Variants in C1QTNF2 observed in about 807,000 individuals in gnomAD.
C1QTNF2 encodes C1q and TNF related 2, also known as complement C1q tumor necrosis factor-related protein 2.
In C1QTNF2, 15 loss-of-function variants were observed where a neutral mutation model predicts 17.4. The observed-to-expected ratio is 0.86, with a 90% CI of 0.58 to 1.33. C1QTNF2 has a LOEUF of 1.33. C1QTNF2 is among the 40% of genes most tolerant of loss of function. C1QTNF2 has a pLI of 0.00. For synonymous variants in C1QTNF2, 154 were observed against 163.3 expected, an observed-to-expected ratio of 0.94 and a Z score of 0.44; for missense variants, 381 against 392.3, an observed-to-expected ratio of 0.97 and a Z score of 0.24.
chr5:160,355,192 T>C, intron 1 of C1QTNF2, 172 bp from the exon 2 acceptor site: 3 of 983,088 alleles, frequency 3.1e-6, no homozygotes, highest in Non-Finnish European at 3.6e-6. Flanking sequence ...AGTCGTCATA[T>C]CTTGAGGACA....
At chr5:160,350,719 A>G (rs1763901847) in intron 2 of C1QTNF2, among the ~76,000 whole-genome samples, 1 of 152,104 alleles carries the variant, frequency 6.6e-6, no homozygotes, top group Non-Finnish European at 1.5e-5. Flanking sequence ...TAAAAATTAG[A>G]AAAACAAAAG....
intron 1 of C1QTNF2, among the ~76,000 whole-genome samples, chr5:160,363,992 C>T (rs745699096): frequency 1.3e-5 from 2 of 152,062 alleles, no homozygotes; most frequent in African/African-American, 2.4e-5. Flanking sequence ...AGGAAAATGA[C>T]GCAAGTCACA....
rs752487351 is a variant in C1QTNF2 at position 160,349,428 on chromosome 5, C to G, written c.598G>C (p.Asp200His). The change falls in exon 3 of 3, where the codon GAC (aspartate) becomes CAC (histidine). Residue 200 changes from aspartate (D) to histidine (H), a missense_variant. Asp to His is a moderately conservative substitution (Grantham distance 81, BLOSUM62 -1). Coordinates refer to ENST00000652664, the MANE Select transcript of C1QTNF2 (RefSeq NM_031908.6). The surrounding 1 kb of genome is among the most constrained non-coding windows in gnomAD (Gnocchi z 4.3). ...GVPGIYYFTY[D>H]ITLANKHLAI... ...AGGTGCTTGTTGGCCAGCGTGATGT[C>G]GTAGGTGAAGTAGTAGATCCCAGGC... The G allele has an allele frequency of 6.2e-7, 1 of 1,613,962 alleles. No individual in the cohort carries two copies. Among genetic ancestry groups the G allele is most frequent in the Non-Finnish European group, 8.5e-7 (1 of 1,180,002 alleles).
intron 1 of C1QTNF2, among the ~76,000 whole-genome samples, chr5:160,361,038 C>A (rs1467131287): frequency 6.6e-6 from 1 of 152,128 alleles, no homozygotes; most frequent in African/African-American, 2.4e-5. Flanking sequence ...TCGTTATCCA[C>A]CTGCCTCGCC....
chr5:160,363,872 G>T (rs1343149262), intron 1 of C1QTNF2, among the ~76,000 whole-genome samples: 2 of 152,218 alleles, frequency 1.3e-5, no homozygotes, highest in African/African-American at 4.8e-5. Flanking sequence ...GATGTGAGGG[G>T]TAGAGAAGGC....
chr5:160,368,843 G>A (rs1764294739), intron 1 of C1QTNF2, among the ~76,000 whole-genome samples: 1 of 152,162 alleles, frequency 6.6e-6, no homozygotes, highest in Non-Finnish European at 1.5e-5. Flanking sequence ...TGACACCTTG[G>A]AGAACTTGCT....
rs923760654 is a variant in C1QTNF2, at chr5:160,349,815, C to T, written c.245-34G>A. 4 of 1,507,766 alleles carry T rather than the reference C, an allele frequency of 2.7e-6. No homozygotes were observed. Among genetic ancestry groups the T allele is most frequent in the African/African-American group, 2.8e-5 (2 of 71,706 alleles). 93.4% of individuals were successfully genotyped at this position (1,507,766 alleles called of 1,614,324 possible). A position where few individuals can be genotyped will look rare whatever the true frequency, so the allele number is the denominator to read the frequency against. ...CAGAGCAGCTGGTGTTATGGAGGGT[C>T]CTCACAGACCTAGGCAGAGGGGTGC... On this transcript the variant is annotated intron_variant, in intron 2 of 2. Transcript: ENST00000652664. This position sits in a 1 kb window ranked among gnomAD's most constrained non-coding sequence, Gnocchi z 4.3.
chr5:160,368,583 C>G (rs1367699144), intron 1 of C1QTNF2, among the ~76,000 whole-genome samples: 1 of 147,876 alleles, frequency 6.8e-6, no homozygotes, highest in Non-Finnish European at 1.5e-5. Flanking sequence ...ATATAACTAA[C>G]AGAAGTTTGA....
At chr5:160,366,771 C>T (rs1235324534) in intron 1 of C1QTNF2, among the ~76,000 whole-genome samples, 5 of 152,084 alleles carry the variant, frequency 3.3e-5, no homozygotes, top group Non-Finnish European at 5.9e-5. Flanking sequence ...CACCTATAAT[C>T]CCAGCACTTT....
intron 2 of C1QTNF2, among the ~76,000 whole-genome samples, chr5:160,353,287 G>C (rs1419220045): frequency 6.6e-6 from 1 of 152,200 alleles, no homozygotes; most frequent in Non-Finnish European, 1.5e-5. Context: ...TAGGCTTAGG[G>C]ATGCTGCTGA....
rs370072506 is a variant in C1QTNF2 at position 160,354,792 on chromosome 5, C to T, written c.220G>A (p.Asp74Asn). Residue 74 changes from aspartate (D) to asparagine (N), a missense_variant, in exon 2 of 3, where the codon GAC becomes AAC. By Grantham distance (23) the Asp-to-Asn change is conservative. Transcript: ENST00000652664. ...CCTTCCTCTCCGCTGTCCCCCCGGT[C>T]GCCGTCGTGTCCATCTTGGCCGTCT... Reference protein sequence around the residue: ...GKDGQDGHDGDRGDSGEEGPP... With the variant: ...GKDGQDGHDGNRGDSGEEGPP... 12 of 1,613,664 alleles carry T rather than the reference C, an allele frequency of 7.4e-6. No homozygotes were observed. The highest frequency in any genetic ancestry group is 6.7e-5 in the East Asian group (3 of 44,854).
Position 160,348,963 on chromosome 5 carries a change from A to C in C1QTNF2, c.*205T>G. On this transcript the variant is annotated 3_prime_UTR_variant, in exon 3 of 3. Coordinates refer to ENST00000652664, the MANE Select transcript of C1QTNF2 (RefSeq NM_031908.6). ...GCATAGTGCCTGTTACACAGTAGAT[A>C]CTTTAAAAAGAAGTGAATAAATAGA... is the stretch of plus-strand genomic sequence containing the variant. 1 of 604,514 alleles carries C rather than the reference A, an allele frequency of 1.7e-6. No individual in the cohort carries two copies. 37.4% of individuals were successfully genotyped at this position (604,514 alleles called of 1,614,324 possible). A position where few individuals can be genotyped will look rare whatever the true frequency, so the allele number is the denominator to read the frequency against.
chr5:160,361,837 G>A (rs1194807344), intron 1 of C1QTNF2, among the ~76,000 whole-genome samples: 3 of 152,122 alleles, frequency 2.0e-5, no homozygotes, highest in African/African-American at 7.2e-5. Context: ...CCAAAGCATT[G>A]CACCCATCCT....
intron 1 of C1QTNF2, among the ~76,000 whole-genome samples, chr5:160,366,057 G>A (rs1041956017): frequency 2.6e-5 from 4 of 152,118 alleles, no homozygotes; most frequent in South Asian, 2.1e-4. Flanking sequence ...CCCATCACCC[G>A]AGCGGTACAC....
At chr5:160,354,311 C>T (rs1763985193) in intron 2 of C1QTNF2, among the ~76,000 whole-genome samples, 1 of 152,058 alleles carries the variant, frequency 6.6e-6, no homozygotes, top group Admixed American at 6.6e-5. Context: ...GGCACAGTGG[C>T]CCATGCCTGT....
chr5:160,361,731 C>T (rs1015279237), intron 1 of C1QTNF2, among the ~76,000 whole-genome samples: 3 of 152,212 alleles, frequency 2.0e-5, no homozygotes, highest in African/African-American at 4.8e-5. Context: ...CAGTCCTTAA[C>T]CTCCTCTGGG....
intron 2 of C1QTNF2, among the ~76,000 whole-genome samples, 172 bp downstream of exon 2, chr5:160,354,596 A>ATATAT (rs1763994534): frequency 2.0e-5 from 1 of 49,920 alleles, no homozygotes; most frequent in African/African-American, 9.0e-5. Flanking sequence ...AAAAAAAAAA[A>ATATAT]AGTATATATA....
In C1QTNF2 at chr5:160,359,440, T is replaced by G. The variant is rs975514691; in HGVS notation, c.-9-4420A>C. 2.0e-5 allele frequency among the ~76,000 whole-genome samples: 3 copies of G among 152,352 alleles called. No individual in the cohort carries two copies. In the South Asian group the frequency reaches 6.2e-4, roughly 32 times the overall value. ...CCAAATGCTTTCCATTATGTCAGCA[T>G]TTCTTATATTTTTCCCCCTAAATAT... On this transcript the variant is annotated intron_variant, in intron 1 of 2. Transcript: ENST00000652664.
At chr5:160,354,609 T>TAG (rs1763999852) in intron 2 of C1QTNF2, among the ~76,000 whole-genome samples, 159 bp downstream of exon 2, 1 of 85,172 alleles carries the variant, frequency 1.2e-5, no homozygotes, top group African/African-American at 3.9e-5. Context: ...TATATATATA[T>TAG]ATATATATAT....
Sources: allele counts gnomAD v4.1 joint callset (sites outside exome capture counted in the v4.1 genomes callset), GRCh38; gene constraint gnomAD v4.1.1; non-coding constraint Gnocchi (gnomAD v3.1); transcripts MANE v1.5; gene names NCBI Gene and HGNC (gene_info 2026-07-23, HGNC 2026-07-21).